The following RRP15 variants were observed in gnomAD, a reference collection of about 807,000 sequenced individuals.
RRP15 encodes ribosomal RNA processing 15 homolog, also known as RRP15-like protein.
A neutral mutation model predicts 27.1 loss-of-function variants in RRP15; 18 were observed. That is an observed-to-expected ratio of 0.66 (90% CI 0.46 to 0.98). RRP15 has a LOEUF of 0.98. Ranked by LOEUF, RRP15 falls within the 50% of genes least tolerant of loss-of-function variation. The probability of loss-of-function intolerance (pLI) is 0.00; values close to 1 mark genes in which losing one functional copy is unlikely to be tolerated. For synonymous variants in RRP15, 107 were observed against 109.4 expected (o/e 0.98, Z 0.14); for missense variants, 359 against 337.8 (o/e 1.06, Z -0.49).
At chr1:218,288,705 T>C (rs1052499942) in intron 1 of RRP15, among the ~76,000 whole-genome samples, 21 of 152,164 alleles carry the variant, frequency 1.4e-4, no homozygotes, top group African/African-American at 4.1e-4. Context: ...AGTGAAAGCG[T>C]TGGGCCTTTG....
chr1:218,328,903 T>G (rs1456635144), intron 4 of RRP15, among the ~76,000 whole-genome samples: 1 of 152,120 alleles, frequency 6.6e-6, no homozygotes, highest in Non-Finnish European at 1.5e-5. Flanking sequence ...CATAGAGGCT[T>G]CACACTGAGA....
intron 4 of RRP15, among the ~76,000 whole-genome samples, chr1:218,312,352 C>T (rs751276630): frequency 6.6e-6 from 1 of 150,614 alleles, no homozygotes; most frequent in African/African-American, 2.4e-5. Flanking sequence ...CTTTTTGGAA[C>T]CTTTTAAGAC....
At chr1:218,309,446 A>G (rs1655954595) in intron 4 of RRP15, among the ~76,000 whole-genome samples, 1 of 152,142 alleles carries the variant, frequency 6.6e-6, no homozygotes, top group Non-Finnish European at 1.5e-5. Context: ...GCACTTTGGG[A>G]GGCCAAGGTG....
intron 4 of RRP15, among the ~76,000 whole-genome samples, chr1:218,308,806 CTG>C (rs1655943088): frequency 6.6e-6 from 1 of 152,156 alleles, no homozygotes; most frequent in African/African-American, 2.4e-5. Flanking sequence ...TACATGAACA[CTG>C]TGTTTGGGGA....
At chr1:218,314,731 A>G (rs935269698) in intron 4 of RRP15, among the ~76,000 whole-genome samples, 1 of 152,054 alleles carries the variant, frequency 6.6e-6, no homozygotes, top group Non-Finnish European at 1.5e-5. Flanking sequence ...GGTGGCTCAC[A>G]TCTGTAATCT....
At position 218,331,032 on chromosome 1, in the gene RRP15, A is replaced by G; in HGVS notation, c.790A>G (p.Lys264Glu). Reference protein sequence around the residue: ...MMGASMKDWDKESDGPDDSRP... With the variant: ...MMGASMKDWDEESDGPDDSRP... Reference sequence around the variant, plus strand: ...GGGAGCATCTATGAAAGACTGGGACAAGGAAAGTGATGGGCCAGATGACAG... The same window carrying G: ...GGGAGCATCTATGAAAGACTGGGACGAGGAAAGTGATGGGCCAGATGACAG... Residue 264 changes from lysine (K) to glutamate (E), a missense_variant, in exon 5 of 5, where the codon AAG (lysine) becomes GAG (glutamate). By Grantham distance (56) the Lys-to-Glu change is moderately conservative. Coordinates refer to ENST00000366932, the MANE Select transcript of RRP15 (RefSeq NM_016052.4). 1 of 1,613,882 alleles carries G rather than the reference A, an allele frequency of 6.2e-7. No homozygotes were observed. Among genetic ancestry groups the G allele is most frequent in the East Asian group, 2.2e-5 (1 of 44,866 alleles).
chr1:218,326,717 A>G (rs1039230844), intron 4 of RRP15, among the ~76,000 whole-genome samples: 4 of 152,190 alleles, frequency 2.6e-5, no homozygotes, highest in African/African-American at 9.7e-5. Context: ...GCTGGGATTC[A>G]ATATCTGGTT....
intron 4 of RRP15, among the ~76,000 whole-genome samples, chr1:218,327,234 T>G (rs1258187997): frequency 6.6e-6 from 1 of 152,226 alleles, no homozygotes; most frequent in Non-Finnish European, 1.5e-5. Context: ...CCCTCTGCCT[T>G]TTTTCTTTCT....
intron 4 of RRP15, among the ~76,000 whole-genome samples, chr1:218,316,629 T>C (rs75348528): frequency 0.011 from 1,617 of 152,258 alleles, 28 homozygotes; most frequent in African/African-American, 0.037. Flanking sequence ...CCCTACCTCA[T>C]AGGGATGTTG....
At chr1:218,315,717 A>G (rs987851509) in intron 4 of RRP15, among the ~76,000 whole-genome samples, 1 of 151,862 alleles carries the variant, frequency 6.6e-6, no homozygotes, top group African/African-American at 2.4e-5. Flanking sequence ...GGGCCTCCCA[A>G]AGTGCTGGGA....
At chr1:218,322,849 G>A (rs918176951) in intron 4 of RRP15, among the ~76,000 whole-genome samples, 1 of 152,096 alleles carries the variant, frequency 6.6e-6, no homozygotes, top group Non-Finnish European at 1.5e-5. Flanking sequence ...GTCTGCGCTC[G>A]GCTCGTGCTA....
chr1:218,303,788 T>C (rs1024468613), intron 2 of RRP15, among the ~76,000 whole-genome samples: 33 of 152,000 alleles, frequency 2.2e-4, no homozygotes, highest in Non-Finnish European at 3.4e-4. Context: ...CAGCTACAAA[T>C]GCTCTTTGTG....
chr1:218,299,183 G>A (rs965694462), intron 1 of RRP15, among the ~76,000 whole-genome samples: 1 of 151,848 alleles, frequency 6.6e-6, no homozygotes, highest in Non-Finnish European at 1.5e-5. Context: ...CATTACTTTG[G>A]CATTTTTAAT....
intron 4 of RRP15, among the ~76,000 whole-genome samples, chr1:218,310,514 T>A (rs1367669416): frequency 6.6e-6 from 1 of 152,204 alleles, no homozygotes; most frequent in Non-Finnish European, 1.5e-5. Context: ...ATTGTAATAA[T>A]ATAACATAGG....
chr1:218,301,938 A>T (rs1473248176), intron 1 of RRP15: 1 of 194,724 alleles, frequency 5.1e-6, no homozygotes, highest in African/African-American at 2.3e-5. Flanking sequence ...TTAGTGACAC[A>T]ATTAAGGTTT....
At chr1:218,306,338 G>A (rs1655897665) in intron 3 of RRP15, among the ~76,000 whole-genome samples, 1 of 152,144 alleles carries the variant, frequency 6.6e-6, no homozygotes, top group Non-Finnish European at 1.5e-5. Flanking sequence ...TGTGCAATAT[G>A]TTGTGTTACA....
At chr1:218,309,697 A>C (rs899513735) in intron 4 of RRP15, among the ~76,000 whole-genome samples, 3 of 151,426 alleles carry the variant, frequency 2.0e-5, no homozygotes, top group Admixed American at 2.0e-4. Context: ...AAAAAAAAAA[A>C]AAAAAAAAAA....
chr1:218,298,877 C>A (rs1372500631), intron 1 of RRP15, among the ~76,000 whole-genome samples: 1 of 152,114 alleles, frequency 6.6e-6, no homozygotes, highest in African/African-American at 2.4e-5. Context: ...CAATAAGCAT[C>A]CTTTGTAGTC....
intron 4 of RRP15, among the ~76,000 whole-genome samples, chr1:218,322,392 G>T (rs1481855579): frequency 6.6e-6 from 1 of 152,074 alleles, no homozygotes; most frequent in East Asian, 1.9e-4. Flanking sequence ...TTATTGTTAG[G>T]AAGTAAAACA....
Sources: gnomAD v4.1 joint callset for allele counts (sites outside exome capture counted in the v4.1 genomes callset) on GRCh38, gnomAD v4.1.1 for gene constraint, MANE v1.5 for transcripts, NCBI Gene and HGNC (gene_info 2026-07-23, HGNC 2026-07-21) for gene names.